CNIH3: variants seen among roughly 807,000 people sequenced by gnomAD.
CNIH3 encodes the protein cornichon family AMPA receptor auxiliary protein 3.
Under a neutral mutation model 24.1 loss-of-function variants are expected in CNIH3, and 14 were observed. The observed-to-expected ratio is 0.58, with a 90% CI of 0.38 to 0.91. The LOEUF is 0.91. Among genes scored for constraint, CNIH3 ranks in the 40% least tolerant of loss-of-function variants. The pLI, the probability that CNIH3 is intolerant of heterozygous loss-of-function variation, is 0.00. For synonymous variants in CNIH3, 68 were observed against 73.8 expected (o/e 0.92, Z 0.40); for missense variants, 178 against 196.8 (o/e 0.90, Z 0.57).
intron 3 of CNIH3, among the ~76,000 whole-genome samples, chr1:224,705,512 C>T (rs2125184737): frequency 6.6e-6 from 1 of 152,358 alleles, no homozygotes; most frequent in South Asian, 2.1e-4. Context: ...TGGCTCAGCA[C>T]CTTCACCTCT....
intron 3 of CNIH3, among the ~76,000 whole-genome samples, chr1:224,555,469 T>A (rs765098669): frequency 1.7e-4 from 26 of 152,212 alleles, no homozygotes; most frequent in Non-Finnish European, 2.9e-4. Flanking sequence ...TAAAATGCTA[T>A]ATTAAATGTA....
chr1:224,618,163 G>C (rs1275103197), intron 1 of CNIH3, among the ~76,000 whole-genome samples: 1 of 152,230 alleles, frequency 6.6e-6, no homozygotes, highest in African/African-American at 2.4e-5. Context: ...TCCTCTCAAA[G>C]ACTGTGCAAC....
At chr1:224,442,211 AT>A (rs1411917158) in intron 1 of CNIH3, among the ~76,000 whole-genome samples, 1 of 151,664 alleles carries the variant, frequency 6.6e-6, no homozygotes, top group Non-Finnish European at 1.5e-5. Flanking sequence ...GGGTCTCCCC[AT>A]GTTGCCCAGG....
rs2102977894 is a variant in CNIH3 at position 224,458,070 on chromosome 1, A to G, written n.203+23208A>G. Among the ~76,000 whole-genome samples the G allele has an allele frequency of 6.6e-6, 1 of 152,310 alleles. No individual in the cohort carries two copies. Among genetic ancestry groups the G allele is most frequent in the Middle Eastern group, 3.4e-3 (1 of 294 alleles). On this transcript the variant is annotated intron_variant and non_coding_transcript_variant, in intron 1 of 5. Coordinates refer to the CNIH3 transcript ENST00000471578. This position sits in a 1 kb window ranked among gnomAD's most constrained non-coding sequence, Gnocchi z 4.3. Reference sequence around the variant, plus strand: ...TAGTGAAGTACTGCACTTGGGCAGGATATTCCCTTCCAGGGCTCCTACCCT... The same window carrying G: ...TAGTGAAGTACTGCACTTGGGCAGGGTATTCCCTTCCAGGGCTCCTACCCT...
At chr1:224,536,819 G>C (rs1679304866) in intron 2 of CNIH3, 1 of 152,270 alleles carries the variant, frequency 6.6e-6, no homozygotes, top group Non-Finnish European at 1.5e-5. Flanking sequence ...TTAGTGGAGA[G>C]AAAGTGCTGG....
intron 3 of CNIH3, chr1:224,717,456 A>T (rs1688486495): frequency 6.6e-6 from 1 of 152,162 alleles, no homozygotes; most frequent in South Asian, 2.1e-4. Context: ...GGACTTCAAT[A>T]TATGAATTTA....
At chr1:224,709,336 T>C (rs1688002287) in intron 3 of CNIH3, among the ~76,000 whole-genome samples, 1 of 152,216 alleles carries the variant, frequency 6.6e-6, no homozygotes, top group African/African-American at 2.4e-5. Flanking sequence ...TTTTACTCAT[T>C]GTACCTCAAA....
chr1:224,635,807 G>C (rs1248753300), intron 1 of CNIH3, among the ~76,000 whole-genome samples: 1 of 152,078 alleles, frequency 6.6e-6, no homozygotes, highest in African/African-American at 2.4e-5. Context: ...GCTCAACTGG[G>C]CTCAAGCATT....
intron 1 of CNIH3, among the ~76,000 whole-genome samples, chr1:224,456,205 C>G (rs879658681): frequency 4.6e-5 from 7 of 152,184 alleles, no homozygotes; most frequent in Non-Finnish European, 8.8e-5. Context: ...CCCTGCTCCC[C>G]TCTCCTCACA....
rs140006242 is a variant in CNIH3 at position 224,641,711 on chromosome 1, C to T, written c.81+24456C>T. On this transcript the variant is annotated intron_variant, in intron 1 of 5. Coordinates refer to ENST00000272133, the MANE Select transcript of CNIH3 (RefSeq NM_152495.2). ...ACTGGTGCACTTCTCAAAGGAAGAT[C>T]GGCCAACTCTCAGAGGATGCGGCCT... Among the ~76,000 whole-genome samples the T allele has an allele frequency of 1.1e-3, 164 of 152,314 alleles. 3 individuals carry two copies. Among genetic ancestry groups the T allele is most frequent in the African/African-American group, 3.8e-3 (157 of 41,576 alleles).
At chr1:224,706,084 T>C (rs1687794088) in intron 3 of CNIH3, among the ~76,000 whole-genome samples, 1 of 152,144 alleles carries the variant, frequency 6.6e-6, no homozygotes, top group South Asian at 2.1e-4. Context: ...GAGTCTGTTA[T>C]GAGTCCAACA....
At chr1:224,608,130 G>A (rs915590998) in intron 3 of CNIH3, among the ~76,000 whole-genome samples, 3 of 152,120 alleles carry the variant, frequency 2.0e-5, no homozygotes, top group African/African-American at 4.8e-5. Flanking sequence ...CAGAGCAGGA[G>A]AGAACGTTTA....
chr1:224,551,976 T>C (rs991249540), intron 3 of CNIH3, among the ~76,000 whole-genome samples: 7 of 151,762 alleles, frequency 4.6e-5, no homozygotes, highest in Admixed American at 4.6e-4. Context: ...AAGGGAGTTA[T>C]ACTACTAATA....
In CNIH3 at chr1:224,617,075, C is replaced by A. The variant is rs989278942; in HGVS notation, c.-100C>A. 1.9e-6 allele frequency: 3 copies of A among 1,539,864 alleles called. No individual in the cohort carries two copies. Among genetic ancestry groups the A allele is most frequent in the East Asian group, 2.3e-5 (1 of 43,776 alleles). ...TCCTGGGCACTAGCCTGGAGAGGAG[C>A]GTGCAGACGCGGCTCCTTGGAGGGA... On this transcript the variant is annotated 5_prime_UTR_variant, in exon 1 of 6. Coordinates refer to ENST00000272133, the MANE Select transcript of CNIH3 (RefSeq NM_152495.2).
At chr1:224,634,517 G>A (rs551565395) in intron 1 of CNIH3, among the ~76,000 whole-genome samples, 6 of 151,348 alleles carry the variant, frequency 4.0e-5, no homozygotes, top group Non-Finnish European at 7.4e-5. Flanking sequence ...AGGTTGCAGT[G>A]AGCCGAGATT....
chr1:224,535,835 A>G (rs1679261227), intron 2 of CNIH3, among the ~76,000 whole-genome samples: 1 of 152,232 alleles, frequency 6.6e-6, no homozygotes, highest in Non-Finnish European at 1.5e-5. Flanking sequence ...AGCTGGGGAC[A>G]GCGGTAGTGT....
intron 1 of CNIH3, chr1:224,661,780 G>T: frequency 4.5e-6 from 1 of 220,556 alleles, no homozygotes; most frequent in Admixed American, 5.2e-5. Context: ...TTTATTCTCA[G>T]GATTTTTATC....
chr1:224,516,979 G>T (rs1433894479), intron 1 of CNIH3, among the ~76,000 whole-genome samples: 1 of 152,102 alleles, frequency 6.6e-6, no homozygotes, highest in African/African-American at 2.4e-5. Flanking sequence ...GGGAAATTAA[G>T]AACTGTTTTT....
At chr1:224,581,202 T>G (rs1681260934) in intron 4 of CNIH3, among the ~76,000 whole-genome samples, 1 of 152,228 alleles carries the variant, frequency 6.6e-6, no homozygotes, top group Non-Finnish European at 1.5e-5. Context: ...CTTTGTCCTT[T>G]TCACTTTGTT....
Sources: gnomAD v4.1 joint callset for allele counts (sites outside exome capture counted in the v4.1 genomes callset) on GRCh38, gnomAD v4.1.1 for gene constraint, Gnocchi (gnomAD v3.1) non-coding constraint, MANE v1.5 for transcripts, NCBI Gene and HGNC (gene_info 2026-07-23, HGNC 2026-07-21) for gene names.